The following SLC1A5 variants were observed in gnomAD, a reference collection of about 807,000 sequenced individuals.
SLC1A5 encodes neutral amino acid transporter B(0).
A neutral mutation model predicts 34.9 loss-of-function variants in SLC1A5; 25 were observed. That is an observed-to-expected ratio of 0.72 (90% CI 0.52 to 1.00). The LOEUF (loss-of-function observed/expected upper bound fraction) is 1.00. SLC1A5 is among the 50% of genes least tolerant of loss of function. SLC1A5 has a pLI of 0.00. For synonymous variants in SLC1A5, 351 were observed against 341.2 expected (o/e 1.03, Z -0.32); for missense variants, 637 against 740.0 (o/e 0.86, Z 1.61).
At chr19:46,783,946 G>T in intron 3 of SLC1A5, 151 bp downstream of exon 3, 1 of 652,240 alleles carries the variant, frequency 1.5e-6, no homozygotes, top group Non-Finnish European at 2.8e-6. Context: ...ACAAAGTAGA[G>T]ACCTATCCAG....
intron 3 of SLC1A5, among the ~76,000 whole-genome samples, chr19:46,783,422 C>T (rs1291460952): frequency 6.7e-6 from 1 of 148,718 alleles, no homozygotes; most frequent in Admixed American, 6.8e-5. Context: ...ACCGAGATCA[C>T]GCCATTGCAT....
Position 46,784,130 on chromosome 19 carries a change from A to C in SLC1A5, c.624T>G (p.Tyr208Ter), listed in dbSNP as rs1459681144. 19 of 1,613,160 alleles carry C rather than the reference A, an allele frequency of 1.2e-5. No individual in the cohort carries two copies. The highest frequency in any genetic ancestry group is 1.4e-5 in the Non-Finnish European group (17 of 1,179,358). Residue 208 changes from tyrosine to a stop codon, truncating the protein, a stop_gained, in exon 3 of 8, where the codon TAT (tyrosine) becomes TAG (stop). Transcript: ENST00000542575. LOFTEE classifies it high-confidence loss of function. ...SAAFRSYSTTYEERNITGTRV... is the reference protein window; with the variant it reads ...SAAFRSYSTT The stretch of plus-strand genomic sequence containing the variant: ...TGGTTCCGGTGATATTCCTCTCTTC[A>C]TAGGTGGTAGAGTACTGTAGGTGGG...
intron 7 of SLC1A5, 44 bp from the exon 8 acceptor site, chr19:46,775,791 G>A: frequency 6.3e-7 from 1 of 1,585,726 alleles, no homozygotes; most frequent in Non-Finnish European, 8.6e-7. Context: ...GAGGGGAGAG[G>A]GTGAGAGGGA....
intron 1 of SLC1A5, among the ~76,000 whole-genome samples, chr19:46,786,853 GC>G (rs1224340203): frequency 3.9e-5 from 6 of 152,186 alleles, no homozygotes; most frequent in Non-Finnish European, 8.8e-5. Context: ...AGGGGAAGCG[GC>G]CAGACCCCAG....
In SLC1A5 at chr19:46,777,275, C is replaced by G; in HGVS notation, c.1189G>C (p.Ala397Pro). ...MDGAALFQCV[A>P]AVFIAQLSQQ... is the part of the protein sequence containing the mutation. Reference sequence around the variant, plus strand: ...CTGAGCTGTGCAATGAACACTGCGGCCACGCACTGGAAGAGCGCGGCACCG... The same window carrying G: ...CTGAGCTGTGCAATGAACACTGCGGGCACGCACTGGAAGAGCGCGGCACCG... The change falls in exon 6 of 8, where the codon GCC (alanine) becomes CCC (proline). Residue 397 changes from alanine (A) to proline (P), a missense_variant. Ala to Pro is a conservative substitution (Grantham distance 27). Coordinates refer to ENST00000542575, the MANE Select transcript of SLC1A5 (RefSeq NM_005628.3). 1 of 1,613,268 alleles carries G rather than the reference C, an allele frequency of 6.2e-7. No homozygotes were observed. Among genetic ancestry groups the G allele is most frequent in the Non-Finnish European group, 8.5e-7 (1 of 1,179,768 alleles).
At chr19:46,778,598 C>T (rs1464908953) in intron 5 of SLC1A5, 77 bp downstream of exon 5, 10 of 1,050,446 alleles carry the variant, frequency 9.5e-6, no homozygotes, top group East Asian at 7.7e-5. Flanking sequence ...TACAATGTCC[C>T]GGGCAGAGAA....
At chr19:46,783,742 G>A (rs368704682) in intron 3 of SLC1A5, among the ~76,000 whole-genome samples, 2 of 152,156 alleles carry the variant, frequency 1.3e-5, no homozygotes, top group South Asian at 2.1e-4. Context: ...AGCTGTGATC[G>A]TGCCACCGTA....
chr19:46,786,317 T>C (rs1169372070), intron 1 of SLC1A5, among the ~76,000 whole-genome samples: 1 of 152,190 alleles, frequency 6.6e-6, no homozygotes, highest in Non-Finnish European at 1.5e-5. Flanking sequence ...TATAAGCCTG[T>C]GTGGCAGGCC....
At position 46,787,247 on chromosome 19, in the gene SLC1A5, G is replaced by T. The variant is rs943928245; in HGVS notation, c.566+153C>A. On this transcript the variant is annotated intron_variant, in intron 1 of 7. Coordinates refer to ENST00000542575, the MANE Select transcript of SLC1A5 (RefSeq NM_005628.3). The surrounding 1 kb of genome is among the most constrained non-coding windows in gnomAD (Gnocchi z 5.2). ...CAGGAGACTAGACTCACACTCCCGA[G>T]GGCTGGAGCCTCCCCTCAATATCCT... 5.5e-6 allele frequency: 8 copies of T among 1,444,516 alleles called. No individual in the cohort carries two copies. In the African/African-American group the frequency reaches 7.3e-5, roughly 13 times the overall value. 89.5% of individuals were successfully genotyped at this position (1,444,516 alleles called of 1,614,324 possible).
intron 1 of SLC1A5, 173 bp from the exon 2 acceptor site, chr19:46,784,732 C>T: frequency 2.0e-6 from 3 of 1,499,322 alleles, no homozygotes; most frequent in Non-Finnish European, 2.7e-6. Flanking sequence ...TAGGCTTGCA[C>T]CCCTTTGCAG....
intron 1 of SLC1A5, chr19:46,784,964 C>G: frequency 9.8e-7 from 1 of 1,020,748 alleles, no homozygotes; most frequent in Non-Finnish European, 1.2e-6. Flanking sequence ...GGGGGAGGAT[C>G]TGGGTGTGTT....
intron 4 of SLC1A5, 42 bp downstream of exon 4, chr19:46,782,341 C>CAG: frequency 6.2e-6 from 5 of 810,798 alleles, no homozygotes; most frequent in East Asian, 2.9e-5. Flanking sequence ...CAGACCGACC[C>CAG]TCCAACCCCA....
Position 46,787,347 on chromosome 19 carries a change from ACT to A in SLC1A5, c.566+51_566+52del. 1.3e-6 allele frequency: 2 copies of A among 1,549,448 alleles called. No homozygotes were observed. The highest frequency in any genetic ancestry group is 1.2e-5 in the South Asian group (1 of 84,090). On this transcript the variant is annotated intron_variant, in intron 1 of 7. Coordinates refer to ENST00000542575, the MANE Select transcript of SLC1A5 (RefSeq NM_005628.3). This position sits in a 1 kb window ranked among gnomAD's most constrained non-coding sequence, Gnocchi z 5.2. ...AAAGCCCCGTCCTGTCCACGTGACC[ACT>A]CCCGCCATCCGTAACACTCTTCCCC...
chr19:46,784,664 G>A, intron 1 of SLC1A5, 105 bp from the exon 2 acceptor site: 7 of 1,608,566 alleles, frequency 4.4e-6, no homozygotes, highest in Non-Finnish European at 5.9e-6. Context: ...AAGCTTTGGG[G>A]GCCCGCCTGC....
chr19:46,782,281 A>G, intron 4 of SLC1A5, 102 bp downstream of exon 4: 1 of 902,158 alleles, frequency 1.1e-6, no homozygotes, highest in East Asian at 2.6e-5. Context: ...CAAAGAGTGA[A>G]TAGAGGGTGC....
chr19:46,785,820 C>T (rs1409533643), intron 1 of SLC1A5, among the ~76,000 whole-genome samples: 1 of 152,136 alleles, frequency 6.6e-6, no homozygotes, highest in African/African-American at 2.4e-5. Flanking sequence ...TGGCTCACGC[C>T]AGTAATTCCA....
At position 46,776,542 on chromosome 19, in the gene SLC1A5, G is replaced by A. The variant is rs546057033; in HGVS notation, c.1388+433C>T. ...TCTTTATACTCTTAATAGCTTAATC[G>A]TGATAGCAAATAATTATGTAGCAAT... On this transcript the variant is annotated intron_variant, in intron 7 of 7. Transcript: ENST00000542575. 9.9e-5 allele frequency: 16 copies of A among 162,240 alleles called. No individual in the cohort carries two copies. The South Asian group carries it at 1.3e-3, about 14-fold the overall frequency. The allele number at this position is 162,240 out of a possible 1,614,324, so 10.1% of individuals were successfully genotyped here.
intron 5 of SLC1A5, 101 bp downstream of exon 5, chr19:46,778,573 GC>G: frequency 1.3e-6 from 1 of 766,912 alleles, no homozygotes; most frequent in South Asian, 1.7e-5. Flanking sequence ...CTGAAGTATG[GC>G]CCCTGTACCC....
rs2055191957 is a variant in SLC1A5 at position 46,787,102 on chromosome 19, C to G, written c.566+298G>C. The stretch of plus-strand genomic sequence containing the variant: ...CCCGCAAAAGTTCCTCCTGGGGTCC[C>G]CTCCCCTCAGTGTCTTTCTCCCCTA... On this transcript the variant is annotated intron_variant, in intron 1 of 7. Transcript: ENST00000542575. The surrounding 1 kb of genome is among the most constrained non-coding windows in gnomAD (Gnocchi z 5.2). The G allele has an allele frequency of 1.6e-6, 1 of 627,814 alleles. No individual in the cohort carries two copies. The highest frequency in any genetic ancestry group is 2.3e-6 in the Non-Finnish European group (1 of 436,656). 38.9% of individuals were successfully genotyped at this position (627,814 alleles called of 1,614,324 possible).
Sources: allele counts gnomAD v4.1 joint callset (sites outside exome capture counted in the v4.1 genomes callset), GRCh38; gene constraint gnomAD v4.1.1; non-coding constraint Gnocchi (gnomAD v3.1); transcripts MANE v1.5; gene names NCBI Gene and HGNC (gene_info 2026-07-23, HGNC 2026-07-21).